Variants in TFPI2 observed in about 807,000 individuals in gnomAD.
The protein encoded by TFPI2 is tissue factor pathway inhibitor 2.
TFPI2 carries 23 observed loss-of-function variants against 23.1 expected under a neutral mutation model. The ratio of observed to expected loss-of-function variants is 1.00; its 90% CI spans 0.72 to 1.41. The LOEUF is 1.41. Among genes scored for constraint, TFPI2 ranks in the 40% most tolerant of loss-of-function variants. TFPI2 has a pLI of 0.00. For synonymous variants in TFPI2, 119 were observed against 111.7 expected (o/e 1.07, Z -0.41); for missense variants, 291 against 299.6 (o/e 0.97, Z 0.21).
chr7:93,888,589 G>GGAAAGAGAAAGAAAGAAAGAAAGAAAGAA (rs138314368), intron 3 of TFPI2, among the ~76,000 whole-genome samples: 7 of 103,302 alleles, frequency 6.8e-5, no homozygotes, highest in East Asian at 6.6e-4. Flanking sequence ...AGGAAGGAAA[G>GGAAAGAGAAAGAAAGAAAGAAAGAAAGAA]AGAAAGAAAG....
In TFPI2 at chr7:93,890,122, G is replaced by T. The variant is rs750229132; in HGVS notation, c.271+15C>A. The T allele has an allele frequency of 3.8e-6, 6 of 1,577,098 alleles. No homozygotes were observed. The highest frequency in any genetic ancestry group is 5.2e-6 in the Non-Finnish European group (6 of 1,154,634). On this transcript the variant is annotated intron_variant, in intron 2 of 4. Coordinates refer to ENST00000222543, the MANE Select transcript of TFPI2 (RefSeq NM_006528.4). ...CAAGGAGCGCGAGAGTCCTGGGTGC[G>T]CGCAGGGCACTTACTTTCTATCCTC...
chr7:93,890,361 G>A, intron 1 of TFPI2, 42 bp from the exon 2 acceptor site: 1 of 1,575,082 alleles, frequency 6.3e-7, no homozygotes, highest in Non-Finnish European at 8.7e-7. Context: ...AGGGAAAGTG[G>A]TCAGGCGTAG....
intron 1 of TFPI2, 49 bp downstream of exon 1, chr7:93,890,542 G>C: frequency 6.3e-7 from 1 of 1,588,798 alleles, no homozygotes; most frequent in Non-Finnish European, 8.6e-7. Flanking sequence ...ATGGCCCGCT[G>C]CGCCCTCTCC....
chr7:93,889,172 C>A lies in TFPI2; in HGVS notation c.323G>T (p.Gly108Val), dbSNP rs1249330383. The change falls in exon 3 of 5, where the codon GGG becomes GTG. Residue 108 changes from glycine to valine, a missense_variant. Gly to Val is a moderately radical substitution (Grantham distance 109, BLOSUM62 -3). Coordinates refer to ENST00000222543, the MANE Select transcript of TFPI2 (RefSeq NM_006528.4). Reference protein sequence around the residue: ...LQVSVDDQCEGSTEKYFFNLS... With the variant: ...LQVSVDDQCEVSTEKYFFNLS... ...ATTAAAGAAATACTTTTCTGTGGAC[C>A]CCTCACACTGGTCGTCCACACTCAC... 1 of 1,609,648 alleles carries A rather than the reference C, an allele frequency of 6.2e-7. No homozygotes were observed. Among genetic ancestry groups the A allele is most frequent in the African/African-American group, 1.3e-5 (1 of 74,584 alleles).
At position 93,890,126 on chromosome 7, in the gene TFPI2, A is replaced by AG; in HGVS notation, c.271+10dup. 2 of 1,581,996 alleles carry AG rather than the reference A, an allele frequency of 1.3e-6. No individual in the cohort carries two copies. The highest frequency in any genetic ancestry group is 2.3e-5 in the East Asian group (1 of 43,784). ...GAGCGCGAGAGTCCTGGGTGCGCGC[A>AG]GGGCACTTACTTTCTATCCTCCAGC... On this transcript the variant is annotated intron_variant, in intron 2 of 4. Coordinates refer to ENST00000222543, the MANE Select transcript of TFPI2 (RefSeq NM_006528.4).
At chr7:93,889,309 G>C in intron 2 of TFPI2, 86 bp from the exon 3 acceptor site, 1 of 1,266,792 alleles carries the variant, frequency 7.9e-7, no homozygotes, top group East Asian at 2.5e-5. Flanking sequence ...ACATTTTGTG[G>C]GGGGAGAGAA....
At position 93,888,578 on chromosome 7, in the gene TFPI2, AAG is replaced by A. The variant is rs1241188524; in HGVS notation, c.460+455_460+456del. ...GAAGGAAGGAAGGAAGGAAGGAAGG[AAG>A]GAAGGAAAGAGAAAGAAAGAAAGAA... On this transcript the variant is annotated intron_variant, in intron 3 of 4. Coordinates refer to ENST00000222543, the MANE Select transcript of TFPI2 (RefSeq NM_006528.4). 6.7e-3 allele frequency among the ~76,000 whole-genome samples: 796 copies of A among 119,590 alleles called. 10 individuals are homozygous for A. The highest frequency in any genetic ancestry group is 0.025 in the African/African-American group (550 of 21,666). The allele number at this position is 119,590 out of a possible 152,430, so 78.5% of individuals were successfully genotyped here.
At chr7:93,888,542 AAAGAAGGAAG>A (rs1794043104) in intron 3 of TFPI2, among the ~76,000 whole-genome samples, 1 of 110,540 alleles carries the variant, frequency 9.0e-6, no homozygotes, top group Non-Finnish European at 1.8e-5. Context: ...GGAAGGAAGG[AAAGAAGGAAG>A]GAAGGAAGGA....
rs772897364 is a variant in TFPI2, at chr7:93,890,237, G to A, written c.171C>T (p.Tyr57=). 3.1e-6 allele frequency: 5 copies of A among 1,613,944 alleles called. No individual in the cohort carries two copies. The highest frequency in any genetic ancestry group is 1.3e-5 in the African/African-American group (1 of 74,930). Residue 57 remains tyrosine, a synonymous_variant, in exon 2 of 5, where the codon TAC becomes TAT. Transcript: ENST00000222543. The part of the protein sequence containing the change: ...ALLLRYYYDR[Y]TQSCRQFLYG... ...ACAGGAACTGGCGGCAGCTCTGCGT[G>A]TACCTGTCGTAGTAGTAACGGAGAA...
At position 93,890,276 on chromosome 7, in the gene TFPI2, G is replaced by A. The variant is rs758700309; in HGVS notation, c.132C>T (p.Pro44=). 1 of 1,613,476 alleles carries A rather than the reference G, an allele frequency of 6.2e-7. No homozygotes were observed. Among genetic ancestry groups the A allele is most frequent in the African/African-American group, 1.3e-5 (1 of 75,064 alleles). ...EICLLPLDYG[P]CRALLLRYYY... is the part of the protein sequence containing the mutation. ...AGTAACGGAGAAGTAGGGCCCGGCA[G>A]GGTCCGTAGTCTAGGGGCAGGAGAC... Residue 44 remains proline (P), a synonymous_variant, in exon 2 of 5, where the codon CCC becomes CCT. Coordinates refer to ENST00000222543, the MANE Select transcript of TFPI2 (RefSeq NM_006528.4).
In TFPI2 at chr7:93,886,321, T is replaced by C. The variant is rs938654188; in HGVS notation, c.*499A>G. On this transcript the variant is annotated 3_prime_UTR_variant, in exon 5 of 5. Transcript: ENST00000222543. ...TTAAATAAATCCCCTTATTCATTCATTGTACTGCAATCTAACACAATAAAA... is the reference window on the plus strand; with the variant it reads ...TTAAATAAATCCCCTTATTCATTCACTGTACTGCAATCTAACACAATAAAA... The C allele has an allele frequency of 6.6e-6, 1 of 152,216 alleles. No homozygotes were observed. Among genetic ancestry groups the C allele is most frequent in the African/African-American group, 2.4e-5 (1 of 41,476 alleles). 9.4% of individuals were successfully genotyped at this position (152,216 alleles called of 1,614,324 possible). A position where few individuals can be genotyped will look rare whatever the true frequency, so the allele number is the denominator to read the frequency against.
rs1291781512 is a variant in TFPI2 at position 93,885,683 on chromosome 7, T to C, written c.*1137A>G. 1 of 152,048 alleles carries C rather than the reference T, an allele frequency of 6.6e-6. No homozygotes were observed. 9.4% of individuals were successfully genotyped at this position (152,048 alleles called of 1,614,324 possible). On this transcript the variant is annotated 3_prime_UTR_variant, in exon 5 of 5. Transcript: ENST00000222543. ...AGATATTTTGCTAACTCCTCATCCA[T>C]AAAATCTTCAACCAGTCCCTGACTG...
In TFPI2 at chr7:93,890,285, G is replaced by C. The variant is rs1794105432; in HGVS notation, c.123C>G (p.Asp41Glu). 3.7e-6 allele frequency: 6 copies of C among 1,613,032 alleles called. No homozygotes were observed. The East Asian group carries it at 1.3e-4, about 36-fold the overall frequency. The stretch of plus-strand genomic sequence containing the variant: ...GAAGTAGGGCCCGGCAGGGTCCGTA[G>C]TCTAGGGGCAGGAGACAGATCTCCG... ...NNAEICLLPLDYGPCRALLLR... is the reference protein window; with the variant it reads ...NNAEICLLPLEYGPCRALLLR... The change falls in exon 2 of 5, where the codon GAC (aspartate) becomes GAG (glutamate). Residue 41 changes from aspartate to glutamate, a missense_variant. Asp to Glu is a conservative substitution (Grantham distance 45). Transcript: ENST00000222543.
intron 2 of TFPI2, 103 bp downstream of exon 2, chr7:93,890,034 G>A (rs1322946746): frequency 2.3e-6 from 3 of 1,289,646 alleles, no homozygotes; most frequent in Non-Finnish European, 3.2e-6. Flanking sequence ...GAAAACCCAG[G>A]CTAAAACTTC....
At chr7:93,887,121 T>A (rs1299169461) in intron 4 of TFPI2, 140 bp downstream of exon 4, 3 of 884,374 alleles carry the variant, frequency 3.4e-6, no homozygotes, top group Non-Finnish European at 5.0e-6. Flanking sequence ...CAAAACTGAT[T>A]AACACTACGG....
chr7:93,890,141 T>C lies in TFPI2; in HGVS notation c.267A>G (p.Ile89Met). 1 of 1,599,610 alleles carries C rather than the reference T, an allele frequency of 6.3e-7. No homozygotes were observed. Residue 89 changes from isoleucine (I) to methionine (M), a missense_variant, in exon 2 of 5, where the codon ATA (isoleucine) becomes ATG (methionine). Coordinates refer to ENST00000222543, the MANE Select transcript of TFPI2 (RefSeq NM_006528.4). ...GGGTGCGCGCAGGGCACTTACTTTC[T>C]ATCCTCCAGCAAGCATCGTCGCAAG... ...WEACDDACWR[I>M]EKVPKVCRLQ...
rs770380317 is a variant in TFPI2, at chr7:93,886,864, G to A, written c.664C>T (p.Arg222Cys). ...LKKKKKMPKL[R>C]FASRIRKIRK... ...ATTTTCCGGATTCTACTGGCAAAGC[G>A]AAGCTTTGGCATCTTCTTTTTCTTT... Residue 222 changes from arginine to cysteine, a missense_variant, in exon 5 of 5, where the codon CGC becomes TGC. Physicochemically the swap from Arg to Cys is radical, Grantham distance 180. Coordinates refer to ENST00000222543, the MANE Select transcript of TFPI2 (RefSeq NM_006528.4). The A allele has an allele frequency of 1.5e-5, 23 of 1,549,128 alleles. No homozygotes were observed. Among genetic ancestry groups the A allele is most frequent in the Admixed American group, 2.3e-5 (1 of 43,416 alleles).
intron 3 of TFPI2, among the ~76,000 whole-genome samples, chr7:93,887,940 T>C (rs1005265801): frequency 2.6e-5 from 4 of 152,234 alleles, no homozygotes; most frequent in African/African-American, 9.6e-5. Flanking sequence ...ATTTTGCATA[T>C]TCAACACAGT....
rs1329642510 is a variant in TFPI2 at position 93,890,741 on chromosome 7, T to C, written c.-63A>G. The stretch of plus-strand genomic sequence containing the variant: ...CGAGAAAGCGCCTGGCGGGAGGAGG[T>C]GCGCGGCTTTCTGCTCCAGGCGGCC... On this transcript the variant is annotated 5_prime_UTR_variant, in exon 1 of 5. Coordinates refer to ENST00000222543, the MANE Select transcript of TFPI2 (RefSeq NM_006528.4). 1.3e-6 allele frequency: 2 copies of C among 1,495,434 alleles called. No individual in the cohort carries two copies. Among genetic ancestry groups the C allele is most frequent in the Non-Finnish European group, 1.8e-6 (2 of 1,094,936 alleles). 92.6% of individuals were successfully genotyped at this position (1,495,434 alleles called of 1,614,324 possible).
Sources: gnomAD v4.1 joint callset for allele counts (sites outside exome capture counted in the v4.1 genomes callset) on GRCh38, gnomAD v4.1.1 for gene constraint, MANE v1.5 for transcripts, NCBI Gene and HGNC (gene_info 2026-07-23, HGNC 2026-07-21) for gene names.